The following OSTF1 variants were observed in gnomAD, a reference collection of about 807,000 sequenced individuals.
OSTF1 encodes osteoclast stimulating factor 1, also known as osteoclast-stimulating factor 1.
Under a neutral mutation model 37.2 loss-of-function variants are expected in OSTF1, and 27 were observed. The observed-to-expected ratio is 0.73, with a 90% CI of 0.54 to 1.00. The LOEUF (loss-of-function observed/expected upper bound fraction) is 1.00, where lower values mean the gene tolerates loss of function less well. Among genes scored for constraint, OSTF1 ranks in the 50% least tolerant of loss-of-function variants. OSTF1 has a pLI of 0.00. For synonymous variants in OSTF1, 82 were observed against 89.2 expected (o/e 0.92, Z 0.46); for missense variants, 232 against 253.8 (o/e 0.91, Z 0.58).
chr9:75,109,220 C>T (rs954684390), intron 1 of OSTF1, among the ~76,000 whole-genome samples: 1 of 152,032 alleles, frequency 6.6e-6, no homozygotes, highest in African/African-American at 2.4e-5. Context: ...ACCGTGTCGG[C>T]CAGCTGTTCT....
At chr9:75,093,600 CA>C (rs1268954274) in intron 1 of OSTF1, among the ~76,000 whole-genome samples, 4 of 152,062 alleles carry the variant, frequency 2.6e-5, no homozygotes, top group Admixed American at 6.5e-5. Flanking sequence ...TTTGAAGAAG[CA>C]AATGTCAGTG....
chr9:75,141,594 A>T (rs902778148), intron 9 of OSTF1, among the ~76,000 whole-genome samples: 9 of 152,186 alleles, frequency 5.9e-5, no homozygotes, highest in Admixed American at 1.3e-4. Context: ...AAATATTTTT[A>T]AAAATAACAT....
intron 5 of OSTF1, 41 bp downstream of exon 5, chr9:75,131,864 A>G: frequency 6.8e-7 from 1 of 1,460,806 alleles, no homozygotes; most frequent in Non-Finnish European, 9.6e-7. Flanking sequence ...CAGTACAGTA[A>G]AAGGCACGGA....
rs1191084329 is a variant in OSTF1 at position 75,117,678 on chromosome 9, T to C, written c.81+128T>C. 1.5e-5 allele frequency: 11 copies of C among 709,978 alleles called. 1 individual carries two copies. Among genetic ancestry groups the C allele is most frequent in the East Asian group, 1.5e-4 (6 of 39,040 alleles). 44.0% of individuals were successfully genotyped at this position (709,978 alleles called of 1,614,324 possible). ...CCTAGGTAATTCTCAGGAATGGATG[T>C]TGGGTCCAGAGCTGTGCAAGTTAAG... On this transcript the variant is annotated intron_variant, in intron 2 of 9. Coordinates refer to ENST00000346234, the MANE Select transcript of OSTF1 (RefSeq NM_012383.5).
chr9:75,104,061 C>G (rs571040114), intron 1 of OSTF1, among the ~76,000 whole-genome samples: 1 of 151,998 alleles, frequency 6.6e-6, no homozygotes, highest in Non-Finnish European at 1.5e-5. Flanking sequence ...AATCCCGTCT[C>G]TACTAAAAAT....
chr9:75,103,806 T>A (rs929769097), intron 1 of OSTF1, among the ~76,000 whole-genome samples: 1 of 152,298 alleles, frequency 6.6e-6, no homozygotes, highest in African/African-American at 2.4e-5. Context: ...AGCTAATTTT[T>A]AAAAATTATT....
intron 4 of OSTF1, among the ~76,000 whole-genome samples, chr9:75,130,882 A>G (rs1002688722): frequency 8.5e-5 from 13 of 152,180 alleles, no homozygotes; most frequent in African/African-American, 3.1e-4. Flanking sequence ...CCAAGGAAAC[A>G]CTTATGGTTT....
rs564622370 is a variant in OSTF1 at position 75,103,056 on chromosome 9, G to C, written c.34+14330G>C. ...AATCCCAGCACTTTGGGAGGCCCTG[G>C]TGGGCTGATTGCTTGAGACCGGGTG... is the stretch of plus-strand genomic sequence containing the variant. On this transcript the variant is annotated intron_variant, in intron 1 of 9. Coordinates refer to ENST00000346234, the MANE Select transcript of OSTF1 (RefSeq NM_012383.5). 2.1e-4 allele frequency among the ~76,000 whole-genome samples: 32 copies of C among 152,348 alleles called. No individual in the cohort carries two copies. The South Asian group carries it at 6.6e-3, about 32-fold the overall frequency.
Position 75,133,352 on chromosome 9 carries a change from C to G in OSTF1, c.309C>G (p.Asp103Glu). The G allele has an allele frequency of 6.2e-7, 1 of 1,613,244 alleles. No homozygotes were observed. ...LDNRVGVNGL[D>E]KAGSTALYWA... ...ACAGAGTGGGTGTTAATGGCTTAGA[C>G]AAAGCTGGAAGCACTGCCTTATACT... The change falls in exon 6 of 10, where the codon GAC becomes GAG. Residue 103 changes from aspartate to glutamate, a missense_variant. Physicochemically the swap from Asp to Glu is conservative, Grantham distance 45. Transcript: ENST00000346234.
chr9:75,141,152 T>C (rs1163487300), intron 9 of OSTF1, among the ~76,000 whole-genome samples: 3 of 151,668 alleles, frequency 2.0e-5, no homozygotes, highest in Non-Finnish European at 4.4e-5. Flanking sequence ...GTACCAAAAA[T>C]TAGTCAGACA....
chr9:75,089,682 A>G (rs1824916668), intron 1 of OSTF1, among the ~76,000 whole-genome samples: 1 of 152,150 alleles, frequency 6.6e-6, no homozygotes, highest in Non-Finnish European at 1.5e-5. Context: ...AATGGCTCCG[A>G]TGTATTCTTG....
intron 2 of OSTF1, among the ~76,000 whole-genome samples, chr9:75,124,131 A>T (rs1415754415): frequency 6.6e-6 from 1 of 152,210 alleles, no homozygotes; most frequent in Non-Finnish European, 1.5e-5. Flanking sequence ...TGAACCATTT[A>T]AAAAATTTTT....
At chr9:75,092,296 G>A (rs956442072) in intron 1 of OSTF1, among the ~76,000 whole-genome samples, 2 of 152,212 alleles carry the variant, frequency 1.3e-5, no homozygotes, top group Non-Finnish European at 2.9e-5. Context: ...CCATCTGGAG[G>A]ATAGATCAGG....
intron 1 of OSTF1, among the ~76,000 whole-genome samples, chr9:75,095,142 G>A (rs953249419): frequency 1.2e-4 from 19 of 152,184 alleles, no homozygotes; most frequent in African/African-American, 1.9e-4. Context: ...CCTAATTAAC[G>A]TACTTCTGGA....
chr9:75,112,700 T>C (rs1825412963), intron 1 of OSTF1, among the ~76,000 whole-genome samples: 1 of 152,222 alleles, frequency 6.6e-6, no homozygotes, highest in Non-Finnish European at 1.5e-5. Flanking sequence ...TTTAGTCACA[T>C]CCACATATTT....
intron 6 of OSTF1, among the ~76,000 whole-genome samples, chr9:75,133,927 T>C (rs758477540): frequency 6.6e-6 from 1 of 152,192 alleles, no homozygotes. Flanking sequence ...CCACCGCTTT[T>C]CTACCTCTCT....
chr9:75,125,328 A>T (rs1301396507), intron 2 of OSTF1, among the ~76,000 whole-genome samples: 1 of 152,162 alleles, frequency 6.6e-6, no homozygotes, highest in Non-Finnish European at 1.5e-5. Context: ...TAAAGGAAAT[A>T]GTTTGTTTAC....
chr9:75,091,311 T>G (rs1320850784), intron 1 of OSTF1, among the ~76,000 whole-genome samples: 1 of 151,948 alleles, frequency 6.6e-6, no homozygotes, highest in Non-Finnish European at 1.5e-5. Flanking sequence ...CTCCTGACCT[T>G]GTGATCCACC....
At chr9:75,138,674 T>G (rs1825880747) in intron 8 of OSTF1, among the ~76,000 whole-genome samples, 1 of 152,226 alleles carries the variant, frequency 6.6e-6, no homozygotes, top group Non-Finnish European at 1.5e-5. Flanking sequence ...GTTAGAAAAT[T>G]AAAAATTATA....
Sources: allele counts gnomAD v4.1 joint callset (sites outside exome capture counted in the v4.1 genomes callset), GRCh38; gene constraint gnomAD v4.1.1; transcripts MANE v1.5; gene names NCBI Gene and HGNC (gene_info 2026-07-23, HGNC 2026-07-21).